C10orf67: variants seen among roughly 807,000 people sequenced by gnomAD.
C10orf67 encodes chromosome 10 open reading frame 67, also known as uncharacterized protein C10orf67, mitochondrial.
A neutral mutation model predicts 35.6 loss-of-function variants in C10orf67; 60 were observed. The ratio of observed to expected loss-of-function variants is 1.68; its 90% confidence interval spans 1.37 to 2.09. C10orf67 has a LOEUF of 2.09. Among genes scored for constraint, C10orf67 ranks in the 30% most tolerant of loss-of-function variants. The probability of loss-of-function intolerance (pLI) is 0.00; values close to 1 mark genes in which losing one functional copy is unlikely to be tolerated. For synonymous variants in C10orf67, 167 were observed against 115.8 expected (o/e 1.44, Z -2.84); for missense variants, 474 against 330.2 (o/e 1.44, Z -3.38).
chr10:23,248,410 G>A (rs1239068752), intron 12 of C10orf67, among the ~76,000 whole-genome samples: 2 of 152,200 alleles, frequency 1.3e-5, no homozygotes, highest in African/African-American at 4.8e-5. Context: ...TGTCCGCACT[G>A]CTCACATTCA....
At chr10:23,278,988 A>G in intron 8 of C10orf67, among the ~76,000 whole-genome samples, 1 of 152,184 alleles carries the variant, frequency 6.6e-6, no homozygotes, top group Non-Finnish European at 1.5e-5. Context: ...GCAGCGGCTC[A>G]TGCCTGTAAT....
intron 1 of C10orf67, chr10:23,344,177 G>A (rs1472665928): frequency 1.3e-5 from 2 of 150,428 alleles, no homozygotes; most frequent in East Asian, 1.6e-4. Context: ...GGGAGGGGAA[G>A]GGGGAAGGAG....
intron 12 of C10orf67, 138 bp from the exon 13 acceptor site, chr10:23,239,954 A>G: frequency 2.2e-6 from 1 of 445,396 alleles, no homozygotes. Flanking sequence ...TATTAGCATG[A>G]ACATACTACC....
In C10orf67 at chr10:23,334,637, TCA is replaced by T. The variant is rs139205817; in HGVS notation, c.207-1457_207-1456del. Among the ~76,000 whole-genome samples the T allele has an allele frequency of 3.4e-3, 511 of 152,322 alleles. 7 individuals carry two copies. Among genetic ancestry groups the T allele is most frequent in the African/African-American group, 0.012 (485 of 41,578 alleles). On this transcript the variant is annotated intron_variant, in intron 1 of 15. Transcript: ENST00000636213. Reference sequence around the variant, plus strand: ...ATAACTCCAAGCTGGGCTAAGCCCATCACAGTTATCCCACTCTGCTTGGCAGT... The same window carrying T: ...ATAACTCCAAGCTGGGCTAAGCCCATCAGTTATCCCACTCTGCTTGGCAGT...
chr10:23,214,251 A>G (rs767287677), intron 15 of C10orf67, among the ~76,000 whole-genome samples: 2 of 152,204 alleles, frequency 1.3e-5, no homozygotes, highest in Non-Finnish European at 2.9e-5. Flanking sequence ...TTCAGAAAAC[A>G]TAAGAGATTA....
At chr10:23,282,622 G>A (rs4367853) in intron 7 of C10orf67, among the ~76,000 whole-genome samples, 126,728 of 151,866 alleles carry the variant, frequency 0.83, 54,209 homozygotes, top group Non-Finnish European at 0.92. Context: ...CCTGAGGTCA[G>A]GAGTTCAAGA....
At chr10:23,258,567 A>G in intron 10 of C10orf67, 1 of 166,690 alleles carries the variant, frequency 6.0e-6, no homozygotes, top group South Asian at 1.7e-4. Context: ...CAGCCCTGAG[A>G]AGAGTCACAG....
At chr10:23,222,638 C>A (rs1467055360) in intron 15 of C10orf67, among the ~76,000 whole-genome samples, 2 of 152,120 alleles carry the variant, frequency 1.3e-5, no homozygotes, top group Non-Finnish European at 2.9e-5. Context: ...TGCACATGTA[C>A]CCCTGGAACC....
At chr10:23,233,931 C>T (rs1841974892) in intron 13 of C10orf67, among the ~76,000 whole-genome samples, 1 of 152,038 alleles carries the variant, frequency 6.6e-6, no homozygotes, top group African/African-American at 2.4e-5. Context: ...GAGCAGGATG[C>T]CAGAAATATA....
chr10:23,238,417 C>T (rs1402502697), intron 13 of C10orf67, among the ~76,000 whole-genome samples: 2 of 152,292 alleles, frequency 1.3e-5, no homozygotes, highest in East Asian at 3.9e-4. Flanking sequence ...ATCCAGGAAA[C>T]AGTGGCATAT....
At chr10:23,216,613 T>C (rs1841438277) in intron 15 of C10orf67, among the ~76,000 whole-genome samples, 1 of 152,188 alleles carries the variant, frequency 6.6e-6, no homozygotes, top group Admixed American at 6.5e-5. Context: ...AGAATATTCA[T>C]ATTATACAAT....
chr10:23,311,503 G>A (rs1468933271), intron 4 of C10orf67, among the ~76,000 whole-genome samples: 3 of 152,216 alleles, frequency 2.0e-5, no homozygotes, highest in East Asian at 1.9e-4. Context: ...CCTGAGGTCC[G>A]GAGTTCGAGA....
At chr10:23,236,921 C>T (rs1458364279) in intron 13 of C10orf67, among the ~76,000 whole-genome samples, 1 of 152,102 alleles carries the variant, frequency 6.6e-6, no homozygotes, top group Admixed American at 6.6e-5. Context: ...TTAGGGGGTA[C>T]ATGGCAGGTT....
intron 5 of C10orf67, among the ~76,000 whole-genome samples, chr10:23,293,823 A>G (rs1330781082): frequency 6.6e-6 from 1 of 152,238 alleles, no homozygotes; most frequent in Non-Finnish European, 1.5e-5. Context: ...ATTTTTGAAA[A>G]CAGGTGTACT....
chr10:23,223,716 A>G, intron 14 of C10orf67, 28 bp downstream of exon 14: 2 of 716,790 alleles, frequency 2.8e-6, no homozygotes, highest in South Asian at 1.5e-5. Flanking sequence ...CTCAGTAAAT[A>G]TTTAATAAAG....
chr10:23,276,437 A>C (rs940803307), intron 8 of C10orf67, among the ~76,000 whole-genome samples: 1 of 152,136 alleles, frequency 6.6e-6, no homozygotes, highest in East Asian at 1.9e-4. Context: ...TTCCCTGGCC[A>C]GGAAGCTCCC....
At chr10:23,267,785 A>G (rs1842921700) in intron 8 of C10orf67, among the ~76,000 whole-genome samples, 1 of 151,890 alleles carries the variant, frequency 6.6e-6, no homozygotes, top group African/African-American at 2.4e-5. Flanking sequence ...GGGCGCCTGT[A>G]ATTCCAGCTA....
Position 23,282,018 on chromosome 10 carries a change from C to A in C10orf67, c.970G>T (p.Asp324Tyr). The A allele has an allele frequency of 1.6e-6, 1 of 621,352 alleles. No individual in the cohort carries two copies. The highest frequency in any genetic ancestry group is 2.0e-5 in the South Asian group (1 of 49,672). 38.5% of individuals were successfully genotyped at this position (621,352 alleles called of 1,614,324 possible). The part of the protein sequence containing the change: ...ELHYEKSLVQ[D>Y]VINKQKEDKE... The stretch of plus-strand genomic sequence containing the variant: ...AATAATGTAAATCATCTTACCACAT[C>A]CTGAACTAATGATTTTTCATAATGA... Residue 324 changes from aspartate (D) to tyrosine (Y), a missense_variant, in exon 8 of 16, where the codon GAT becomes TAT. Physicochemically the swap from Asp to Tyr is radical, Grantham distance 160. Transcript: ENST00000636213.
chr10:23,224,266 AG>A (rs1331000644), intron 13 of C10orf67, among the ~76,000 whole-genome samples: 2 of 152,220 alleles, frequency 1.3e-5, no homozygotes, highest in Admixed American at 6.5e-5. Flanking sequence ...CCGGGTAAAC[AG>A]GGTCTGAAGT....
Sources: gnomAD v4.1 joint callset for allele counts (sites outside exome capture counted in the v4.1 genomes callset) on GRCh38, gnomAD v4.1.1 for gene constraint, MANE v1.5 for transcripts, NCBI Gene and HGNC (gene_info 2026-07-23, HGNC 2026-07-21) for gene names.